Variants in NSUN6 observed in about 807,000 individuals in gnomAD.
NSUN6 encodes the protein tRNA (cytosine(72)-C(5))-methyltransferase NSUN6.
A neutral mutation model predicts 58.0 loss-of-function variants in NSUN6; 64 were observed. The ratio of observed to expected loss-of-function variants is 1.10; its 90% CI spans 0.90 to 1.36. The LOEUF (loss-of-function observed/expected upper bound fraction) is 1.36, where lower values mean the gene tolerates loss of function less well. Ranked by LOEUF, NSUN6 falls within the 40% of genes most tolerant of loss-of-function variation. The probability of loss-of-function intolerance (pLI) is 0.00; values close to 1 mark genes in which losing one functional copy is unlikely to be tolerated. For synonymous variants in NSUN6, 231 were observed against 193.9 expected (o/e 1.19, Z -1.59); for missense variants, 701 against 550.1 (o/e 1.27, Z -2.74).
At chr10:18,567,912 C>T (rs541892421) in intron 8 of NSUN6, among the ~76,000 whole-genome samples, 8 of 150,866 alleles carry the variant, frequency 5.3e-5, no homozygotes, top group Non-Finnish European at 1.0e-4. Context: ...CACTGCATTC[C>T]ATTCCATTTT....
rs1234546594 is a variant in NSUN6 at position 18,562,716 on chromosome 10, GAATGGAATGCGA to G, written c.923-10757_923-10746del. On this transcript the variant is annotated intron_variant, in intron 8 of 10. Transcript: ENST00000377304. The stretch of plus-strand genomic sequence containing the variant: ...AGAGAACGGAATGGAATGGAGAATG[GAATGGAATGCGA>G]AATGGAATGGAATGGAGAATGAACT... Among the ~76,000 whole-genome samples, 171 of 151,322 alleles carry G rather than the reference GAATGGAATGCGA, an allele frequency of 1.1e-3. 1 individual carries two copies. Among genetic ancestry groups the G allele is most frequent in the African/African-American group, 3.7e-3 (153 of 41,218 alleles).
At chr10:18,566,941 C>A (rs2056001866) in intron 8 of NSUN6, among the ~76,000 whole-genome samples, 1 of 149,566 alleles carries the variant, frequency 6.7e-6, no homozygotes, top group Non-Finnish European at 1.5e-5. Context: ...TCCATTCCAG[C>A]CTCCATTATA....
At chr10:18,560,303 T>C (rs549608305) in intron 8 of NSUN6, among the ~76,000 whole-genome samples, 4 of 150,264 alleles carry the variant, frequency 2.7e-5, no homozygotes, top group Non-Finnish European at 4.4e-5. Flanking sequence ...GAGAATGGAA[T>C]AGAATGGATA....
chr10:18,551,710 G>A (rs2054614371), intron 9 of NSUN6, 113 bp downstream of exon 9: 2 of 809,508 alleles, frequency 2.5e-6, no homozygotes, highest in Non-Finnish European at 4.1e-6. Flanking sequence ...CTCTTGGGTT[G>A]TTCCCACCTT....
intron 8 of NSUN6, among the ~76,000 whole-genome samples, chr10:18,555,925 T>TGGAGAATGGAAG (rs2054980152): frequency 7.1e-6 from 1 of 140,322 alleles, no homozygotes; most frequent in Admixed American, 7.1e-5. Context: ...TGGAATGGAA[T>TGGAGAATGGAAG]GGAATGGAGA....
intron 8 of NSUN6, among the ~76,000 whole-genome samples, chr10:18,584,244 G>A (rs1016327434): frequency 6.6e-6 from 1 of 152,188 alleles, no homozygotes; most frequent in Non-Finnish European, 1.5e-5. Context: ...ATTAAACTGT[G>A]TTAGATTAGG....
intron 6 of NSUN6, among the ~76,000 whole-genome samples, chr10:18,602,469 C>T (rs985429441): frequency 1.3e-5 from 2 of 152,034 alleles, no homozygotes; most frequent in African/African-American, 4.8e-5. Flanking sequence ...CTCCTGAACT[C>T]GTGATCCGCC....
chr10:18,565,461 C>A (rs2055856930), intron 8 of NSUN6, among the ~76,000 whole-genome samples: 1 of 150,962 alleles, frequency 6.6e-6, no homozygotes, highest in African/African-American at 2.4e-5. Flanking sequence ...ACTCTCCATT[C>A]CAGTTCAGTC....
chr10:18,635,851 GT>G (rs201026578), intron 3 of NSUN6, among the ~76,000 whole-genome samples: 1 of 149,228 alleles, frequency 6.7e-6, no homozygotes, highest in Non-Finnish European at 1.5e-5. Flanking sequence ...GTTTTTTGTC[GT>G]TTTTTTTAAA....
At position 18,585,936 on chromosome 10, in the gene NSUN6, C is replaced by A. The variant is rs192663610; in HGVS notation, c.922+13G>T. The A allele has an allele frequency of 6.4e-7, 1 of 1,574,782 alleles. No individual in the cohort carries two copies. Among genetic ancestry groups the A allele is most frequent in the African/African-American group, 1.4e-5 (1 of 72,650 alleles). ...ATCTGTCAATTAAAAATAAGAAAAT[C>A]AAAATAGCTCACCTTCTGTGTCCTC... On this transcript the variant is annotated intron_variant, in intron 8 of 10. Transcript: ENST00000377304.
chr10:18,605,640 G>T (rs1403443726), intron 6 of NSUN6, among the ~76,000 whole-genome samples: 7 of 152,196 alleles, frequency 4.6e-5, no homozygotes, highest in Non-Finnish European at 7.3e-5. Context: ...TAGATAGGCT[G>T]TCAAAACAAA....
At chr10:18,645,905 G>T (rs1255774352) in intron 2 of NSUN6, among the ~76,000 whole-genome samples, 1 of 151,990 alleles carries the variant, frequency 6.6e-6, no homozygotes, top group Non-Finnish European at 1.5e-5. Flanking sequence ...TAAATTTCAG[G>T]CCAGGCACGG....
At chr10:18,630,941 A>G (rs1182239642) in intron 3 of NSUN6, among the ~76,000 whole-genome samples, 1 of 151,856 alleles carries the variant, frequency 6.6e-6, no homozygotes, top group Non-Finnish European at 1.5e-5. Flanking sequence ...CTGGGCAGAG[A>G]CACAACCAAA....
In NSUN6 at chr10:18,545,895, A is replaced by ATG. The variant is rs927010819; in HGVS notation, c.*36_*37dup. ...AAAAAAAAAAAACCACAGACAGCAA[A>ATG]TGTTTGGAATTTTCATTTCTGAGCA... On this transcript the variant is annotated 3_prime_UTR_variant, in exon 11 of 11. Coordinates refer to ENST00000377304, the MANE Select transcript of NSUN6 (RefSeq NM_182543.5). 8.9e-7 allele frequency: 1 copy of ATG among 1,119,998 alleles called. No individual in the cohort carries two copies. Among genetic ancestry groups the ATG allele is most frequent in the African/African-American group, 1.7e-5 (1 of 60,478 alleles). 69.4% of individuals were successfully genotyped at this position (1,119,998 alleles called of 1,614,324 possible).
intron 3 of NSUN6, among the ~76,000 whole-genome samples, chr10:18,629,964 C>G (rs1590135060): frequency 6.6e-6 from 1 of 150,612 alleles, no homozygotes; most frequent in African/African-American, 2.5e-5. Context: ...TTTTTCAGCA[C>G]CACACCACAG....
chr10:18,640,036 T>C (rs990505171), intron 3 of NSUN6, among the ~76,000 whole-genome samples: 4 of 152,214 alleles, frequency 2.6e-5, no homozygotes, highest in African/African-American at 7.2e-5. Flanking sequence ...CAATGGAGGA[T>C]TGAAAATTTA....
In NSUN6 at chr10:18,546,091, A is replaced by G. The variant is rs1334355595; in HGVS notation, c.1252T>C (p.Leu418=). ...MRGAGLSCEQ[L]KQLQRFDPSA... ...GGATCAAATCGCTGCAGCTGTTTCA[A>G]CTGTTCACATGAGAGCCCAGCTCCC... is the stretch of plus-strand genomic sequence containing the variant. Residue 418 remains leucine, a synonymous_variant, in exon 11 of 11, where the codon TTG becomes CTG. Transcript: ENST00000377304. The G allele has an allele frequency of 3.1e-6, 5 of 1,611,848 alleles. No homozygotes were observed. The highest frequency in any genetic ancestry group is 2.7e-5 in the African/African-American group (2 of 74,916).
intron 8 of NSUN6, among the ~76,000 whole-genome samples, chr10:18,568,832 TTC>T (rs1359205723): frequency 3.2e-5 from 4 of 125,110 alleles, no homozygotes; most frequent in African/African-American, 1.2e-4. Context: ...TTCCATTCCA[TTC>T]TCTATTCCAT....
rs71402188 is a variant in NSUN6 at position 18,625,720 on chromosome 10, TAAAAA to T, written c.312-9432_312-9428del. 5.4e-4 allele frequency among the ~76,000 whole-genome samples: 29 copies of T among 53,808 alleles called. No individual in the cohort carries two copies. The South Asian group carries it at 6.3e-3, about 12-fold the overall frequency. The allele number at this position is 53,808 out of a possible 152,430, so 35.3% of individuals were successfully genotyped here. ...AGAGTGAGACTATGTGTTTTTTTTT[TAAAAA>T]AAAAAAAAAAAAAAAAAAAAAAAGA... On this transcript the variant is annotated intron_variant, in intron 3 of 10. Coordinates refer to ENST00000377304, the MANE Select transcript of NSUN6 (RefSeq NM_182543.5).
Sources: allele counts gnomAD v4.1 joint callset (sites outside exome capture counted in the v4.1 genomes callset), GRCh38; gene constraint gnomAD v4.1.1; transcripts MANE v1.5; gene names NCBI Gene and HGNC (gene_info 2026-07-23, HGNC 2026-07-21).